DUSP29: variants seen among roughly 807,000 people sequenced by gnomAD.
DUSP29 encodes atypical dual-specific protein phosphatase.
A neutral mutation model predicts 13.5 loss-of-function variants in DUSP29; 12 were observed. The observed-to-expected ratio is 0.89, with a 90% CI of 0.57 to 1.44. DUSP29 has a LOEUF of 1.44. Ranked by LOEUF, DUSP29 falls within the 40% of genes most tolerant of loss-of-function variation. The probability of loss-of-function intolerance (pLI) is 0.00; values close to 1 mark genes in which losing one functional copy is unlikely to be tolerated. For synonymous variants in DUSP29, 134 were observed against 128.7 expected, an observed-to-expected ratio of 1.04 and a Z score of -0.28; for missense variants, 308 against 301.1, an observed-to-expected ratio of 1.02 and a Z score of -0.17.
chr10:75,043,762 CG>C, intron 3 of DUSP29, 34 bp downstream of exon 3: 1 of 1,237,192 alleles, frequency 8.1e-7, no homozygotes, highest in Non-Finnish European at 1.0e-6. Context: ...CGGGGCGGGG[CG>C]GGGCCGATCG....
chr10:75,064,493 C>T (rs7086958), intron 1 of DUSP29, among the ~76,000 whole-genome samples: 5,365 of 152,078 alleles, frequency 0.035, 253 homozygotes, highest in African/African-American at 0.11. Flanking sequence ...AGTGACAGAG[C>T]GAGACTCCGT....
At chr10:75,067,634 T>C (rs1847233783) in intron 1 of DUSP29, among the ~76,000 whole-genome samples, 1 of 152,016 alleles carries the variant, frequency 6.6e-6, no homozygotes. Flanking sequence ...CAGGCCAGCA[T>C]GGGAGGGGAT....
chr10:75,062,950 C>T lies in DUSP29; in HGVS notation c.-34-4402G>A, dbSNP rs568448166. ...AGGAAATCAAATGCTGTCTCCGAGACGACTTGGCCTACATGCAATGGCAGC... is the reference window on the plus strand; with the variant it reads ...AGGAAATCAAATGCTGTCTCCGAGATGACTTGGCCTACATGCAATGGCAGC... On this transcript the variant is annotated intron_variant, in intron 1 of 3. Transcript: ENST00000338487. Among the ~76,000 whole-genome samples the T allele has an allele frequency of 5.3e-5, 8 of 152,282 alleles. No individual in the cohort carries two copies. In the East Asian group the frequency reaches 5.8e-4, roughly 11 times the overall value.
intron 3 of DUSP29, among the ~76,000 whole-genome samples, chr10:75,041,910 T>A (rs1005964473): frequency 5.3e-5 from 8 of 152,228 alleles, no homozygotes; most frequent in African/African-American, 1.9e-4. Context: ...CTTTCTGGAT[T>A]TGGCAGTGGG....
intron 3 of DUSP29, among the ~76,000 whole-genome samples, chr10:75,039,946 G>A (rs766448541): frequency 1.3e-5 from 2 of 152,132 alleles, no homozygotes; most frequent in African/African-American, 2.4e-5. Flanking sequence ...TTGGGAAGCC[G>A]AGGTGGGTGG....
At chr10:75,059,925 G>A (rs1422385410) in intron 1 of DUSP29, among the ~76,000 whole-genome samples, 8 of 152,138 alleles carry the variant, frequency 5.3e-5, no homozygotes, top group East Asian at 1.9e-4. Flanking sequence ...TTGGGAGGCC[G>A]AGGCGGGCAG....
intron 3 of DUSP29, among the ~76,000 whole-genome samples, chr10:75,042,389 T>A (rs1397510537): frequency 2.0e-5 from 3 of 152,254 alleles, no homozygotes; most frequent in Non-Finnish European, 4.4e-5. Context: ...TTTGTTTTTT[T>A]CATGTCAAAT....
rs1380008227 is a variant in DUSP29, at chr10:75,070,377, G to A, written c.-35+3192C>T. 3.3e-5 allele frequency among the ~76,000 whole-genome samples: 5 copies of A among 152,284 alleles called. No homozygotes were observed. The East Asian group carries it at 7.7e-4, about 24-fold the overall frequency. On this transcript the variant is annotated intron_variant, in intron 1 of 3. Coordinates refer to ENST00000338487, the MANE Select transcript of DUSP29 (RefSeq NM_001003892.3). ...AATTCTGTATGCTTCCCTCCCTAGA[G>A]TGGAGCACACAGTCATGTAAATTTG...
At chr10:75,064,721 A>G (rs1036287834) in intron 1 of DUSP29, among the ~76,000 whole-genome samples, 13 of 152,274 alleles carry the variant, frequency 8.5e-5, no homozygotes, top group Admixed American at 7.8e-4. Context: ...CCCAAGTAGG[A>G]AAGGTTTTAA....
At chr10:75,055,693 T>C (rs529017355) in intron 2 of DUSP29, among the ~76,000 whole-genome samples, 84 of 152,280 alleles carry the variant, frequency 5.5e-4, no homozygotes, top group African/African-American at 1.8e-3. Flanking sequence ...TCTGTAAATA[T>C]AACAAAAGCT....
chr10:75,066,290 C>G (rs1326874191), intron 1 of DUSP29, among the ~76,000 whole-genome samples: 1 of 152,080 alleles, frequency 6.6e-6, no homozygotes, highest in Non-Finnish European at 1.5e-5. Context: ...CAACCTTCAA[C>G]TTGGCAGTGC....
Position 75,037,587 on chromosome 10 carries a change from G to C in DUSP29, c.*249C>G, listed in dbSNP as rs1232564508. On this transcript the variant is annotated 3_prime_UTR_variant, in exon 4 of 4. Transcript: ENST00000338487. Reference sequence around the variant, plus strand: ...AAAGCAGGAGACTTGGTGCAGCGTGGCATGCTCCTCTGTGACCCAGAGCCG... The same window carrying C: ...AAAGCAGGAGACTTGGTGCAGCGTGCCATGCTCCTCTGTGACCCAGAGCCG... 1.3e-5 allele frequency among the ~76,000 whole-genome samples: 2 copies of C among 152,010 alleles called. No homozygotes were observed. Among genetic ancestry groups the C allele is most frequent in the Admixed American group, 6.5e-5 (1 of 15,276 alleles).
chr10:75,043,804 G>T lies in DUSP29; in HGVS notation c.414C>A (p.Asp138Glu). The T allele has an allele frequency of 1.9e-6, 3 of 1,612,694 alleles. No individual in the cohort carries two copies. The South Asian group carries it at 3.3e-5, about 18-fold the overall frequency. The change falls in exon 3 of 4, where the codon GAC becomes GAA. Residue 138 changes from aspartate to glutamate, a missense_variant. Coordinates refer to ENST00000338487, the MANE Select transcript of DUSP29 (RefSeq NM_001003892.3). ...GGGCCGCGGGTCTCTTACTGTGGTC[G>T]TCGCTTAGCGCTCTGTCGATGAAGG... is the stretch of plus-strand genomic sequence containing the variant. Reference protein sequence around the residue: ...AAAFIDRALSDDHSKILVHCV... With the variant: ...AAAFIDRALSEDHSKILVHCV...
In DUSP29 at chr10:75,054,205, G is replaced by C. The variant is rs1846907913; in HGVS notation, c.200+4110C>G. ...AGACAAAGGGAACAGCATGGATAAA[G>C]ATACAGAGACAGTTTAAGTCTTAAA... On this transcript the variant is annotated intron_variant, in intron 2 of 3. Coordinates refer to ENST00000338487, the MANE Select transcript of DUSP29 (RefSeq NM_001003892.3). Among the ~76,000 whole-genome samples, 4 of 152,170 alleles carry C rather than the reference G, an allele frequency of 2.6e-5. No homozygotes were observed. The South Asian group carries it at 8.3e-4, about 31-fold the overall frequency.
intron 1 of DUSP29, among the ~76,000 whole-genome samples, chr10:75,060,399 C>T (rs1031266459): frequency 3.3e-5 from 5 of 151,502 alleles, no homozygotes; most frequent in Non-Finnish European, 7.4e-5. Context: ...CCACTGGAGC[C>T]CAGGAGGCTG....
chr10:75,041,071 G>C (rs1222196211), intron 3 of DUSP29, among the ~76,000 whole-genome samples: 1 of 152,166 alleles, frequency 6.6e-6, no homozygotes, highest in East Asian at 1.9e-4. Context: ...TTGCTTTTTG[G>C]CCAGACTGTC....
At chr10:75,049,526 T>C (rs547035136) in intron 2 of DUSP29, among the ~76,000 whole-genome samples, 2 of 152,342 alleles carry the variant, frequency 1.3e-5, no homozygotes, top group South Asian at 4.1e-4. Context: ...CCCGACCGTC[T>C]TGCCTGTGAC....
At chr10:75,071,330 G>A (rs151261971) in intron 1 of DUSP29, among the ~76,000 whole-genome samples, 34 of 152,306 alleles carry the variant, frequency 2.2e-4, no homozygotes, top group African/African-American at 5.1e-4. Context: ...GCCAGGCCTC[G>A]GGGCCGCAGT....
rs975119748 is a variant in DUSP29 at position 75,038,688 on chromosome 10, G to A, written c.422-611C>T. ...ATTCTGTTAAGTGGCAGAGGGGAGGGGAGAAAGAGTTGGAAGGGAGATGGA... is the reference window on the plus strand; with the variant it reads ...ATTCTGTTAAGTGGCAGAGGGGAGGAGAGAAAGAGTTGGAAGGGAGATGGA... On this transcript the variant is annotated intron_variant, in intron 3 of 3. Coordinates refer to ENST00000338487, the MANE Select transcript of DUSP29 (RefSeq NM_001003892.3). 3.3e-5 allele frequency among the ~76,000 whole-genome samples: 5 copies of A among 150,804 alleles called. 2 individuals are homozygous for A. The highest frequency in any genetic ancestry group is 2.6e-4 in the Admixed American group (4 of 15,160).
Sources: allele counts gnomAD v4.1 joint callset (sites outside exome capture counted in the v4.1 genomes callset), GRCh38; gene constraint gnomAD v4.1.1; transcripts MANE v1.5; gene names NCBI Gene and HGNC (gene_info 2026-07-23, HGNC 2026-07-21).